Variants in SLC4A5 observed in about 807,000 individuals in gnomAD.
SLC4A5 encodes electrogenic sodium bicarbonate cotransporter 4.
SLC4A5 carries 96 observed loss-of-function variants against 120.4 expected under a neutral mutation model. That is an observed-to-expected ratio of 0.80 (90% confidence interval 0.68 to 0.94). The LOEUF is 0.94. Ranked by LOEUF, SLC4A5 falls within the 40% of genes least tolerant of loss-of-function variation. The pLI, the probability that SLC4A5 is intolerant of heterozygous loss-of-function variation, is 0.00. For synonymous variants in SLC4A5, 550 were observed against 571.1 expected (o/e 0.96, Z 0.53); for missense variants, 1,259 against 1,459.5 (o/e 0.86, Z 2.24).
At chr2:74,316,461 ATAGG>A (rs1672968969) in intron 5 of SLC4A5, among the ~76,000 whole-genome samples, 1 of 152,104 alleles carries the variant, frequency 6.6e-6, no homozygotes, top group African/African-American at 2.4e-5. Flanking sequence ...CCAAGACAGG[ATAGG>A]AGGTCAGACA....
At chr2:74,233,614 G>C (rs1177591431) in intron 22 of SLC4A5, 51 bp from the exon 23 acceptor site, 1 of 1,535,490 alleles carries the variant, frequency 6.5e-7, no homozygotes, top group Non-Finnish European at 8.8e-7. Context: ...CTTGTCCCAG[G>C]GCACTTGTCG....
chr2:74,298,019 CTGTTT>C (rs1228183021), intron 7 of SLC4A5, among the ~76,000 whole-genome samples: 1 of 152,154 alleles, frequency 6.6e-6, no homozygotes, highest in African/African-American at 2.4e-5. Flanking sequence ...GTCAATAGAT[CTGTTT>C]TTATTTCCCA....
chr2:74,319,628 C>G (rs1388257884), intron 5 of SLC4A5: 1 of 152,162 alleles, frequency 6.6e-6, no homozygotes, highest in Non-Finnish European at 1.5e-5. Context: ...AACTTCCCCT[C>G]CCTATATGAT....
At chr2:74,254,171 C>T (rs1670883427) in intron 14 of SLC4A5, among the ~76,000 whole-genome samples, 1 of 152,168 alleles carries the variant, frequency 6.6e-6, no homozygotes, top group African/African-American at 2.4e-5. Flanking sequence ...CTTACAGGCT[C>T]TGTGTAGTCT....
intron 25 of SLC4A5, among the ~76,000 whole-genome samples, chr2:74,229,583 T>G (rs930616741): frequency 6.6e-6 from 1 of 152,112 alleles, no homozygotes; most frequent in Non-Finnish European, 1.5e-5. Context: ...TGCAAATACT[T>G]GTATGTTAAA....
rs1243251200 is a variant in SLC4A5 at position 74,290,617 on chromosome 2, A to AG, written c.272-4716dup. 1.4e-4 allele frequency: 133 copies of AG among 957,728 alleles called. No individual in the cohort carries two copies. The African/African-American group carries it at 2.8e-3, about 20-fold the overall frequency. The allele number at this position is 957,728 out of a possible 1,614,324, so 59.3% of individuals were successfully genotyped here. A position where few individuals can be genotyped will look rare whatever the true frequency, so the allele number is the denominator to read the frequency against. On this transcript the variant is annotated intron_variant, in intron 7 of 30. Transcript: ENST00000394019. ...GAGAGAGAGACAGAGAGAGAGACAG[A>AG]GAAGTGAGAGAGAGAGAGAGAGAGA...
At chr2:74,322,666 A>G (rs568986478) in intron 5 of SLC4A5, among the ~76,000 whole-genome samples, 1 of 152,318 alleles carries the variant, frequency 6.6e-6, no homozygotes, top group African/African-American at 2.4e-5. Context: ...GTATTTTATT[A>G]TTAAATTTTT....
chr2:74,226,932 A>AG, intron 27 of SLC4A5, 25 bp downstream of exon 27: 1 of 1,604,150 alleles, frequency 6.2e-7, no homozygotes. Flanking sequence ...GCCAGGCAGG[A>AG]GGGGGAAGCC....
chr2:74,325,000 CTG>C (rs2104325249), intron 5 of SLC4A5, among the ~76,000 whole-genome samples: 1 of 152,294 alleles, frequency 6.6e-6, no homozygotes, highest in Non-Finnish European at 1.5e-5. Context: ...CCAGATAACA[CTG>C]TGACTCCCTG....
At chr2:74,270,181 A>G (rs1011842775) in intron 8 of SLC4A5, among the ~76,000 whole-genome samples, 8 of 152,292 alleles carry the variant, frequency 5.3e-5, no homozygotes, top group African/African-American at 1.9e-4. Flanking sequence ...AGTCCCCTCT[A>G]TAACTATTTT....
chr2:74,300,348 G>A (rs1010571114), intron 7 of SLC4A5, among the ~76,000 whole-genome samples: 24 of 152,214 alleles, frequency 1.6e-4, no homozygotes, highest in Admixed American at 8.5e-4. Flanking sequence ...CCATACACTC[G>A]CACAAAGGTA....
intron 8 of SLC4A5, among the ~76,000 whole-genome samples, chr2:74,274,432 G>A (rs1428511156): frequency 6.6e-6 from 1 of 152,142 alleles, no homozygotes; most frequent in Non-Finnish European, 1.5e-5. Flanking sequence ...TTTCTACAAC[G>A]GATTATGACT....
intron 2 of SLC4A5, among the ~76,000 whole-genome samples, chr2:74,339,908 A>C (rs964534914): frequency 6.6e-6 from 1 of 152,264 alleles, no homozygotes; most frequent in Non-Finnish European, 1.5e-5. Context: ...GAACTTAAGG[A>C]CATCACGCTA....
intron 3 of SLC4A5, among the ~76,000 whole-genome samples, chr2:74,336,813 C>A (rs953902421): frequency 2.0e-5 from 3 of 152,166 alleles, no homozygotes; most frequent in African/African-American, 7.2e-5. Flanking sequence ...GAAATATTAG[C>A]CAATGCCTTC....
intron 19 of SLC4A5, among the ~76,000 whole-genome samples, chr2:74,245,572 GAACA>G: frequency 6.6e-6 from 1 of 152,244 alleles, no homozygotes; most frequent in Admixed American, 6.5e-5. Flanking sequence ...CCTTGGCTCA[GAACA>G]AAGGGTAGCA....
intron 7 of SLC4A5, among the ~76,000 whole-genome samples, chr2:74,296,383 C>T (rs935026671): frequency 1.3e-5 from 2 of 151,876 alleles, no homozygotes; most frequent in Non-Finnish European, 2.9e-5. Context: ...TCACTTCTCC[C>T]CTCTTCACCA....
At chr2:74,341,953 T>C (rs920818868) in intron 2 of SLC4A5, among the ~76,000 whole-genome samples, 1 of 152,174 alleles carries the variant, frequency 6.6e-6, no homozygotes, top group African/African-American at 2.4e-5. Context: ...CCAAGCTGAA[T>C]CCATTTCTGA....
At chr2:74,249,851 GA>G in intron 17 of SLC4A5, among the ~76,000 whole-genome samples, 2 of 152,214 alleles carry the variant, frequency 1.3e-5, no homozygotes, top group East Asian at 3.8e-4. Context: ...GCCTCCATTG[GA>G]GAAGACCCTT....
chr2:74,270,402 G>A (rs190727607), intron 8 of SLC4A5, among the ~76,000 whole-genome samples: 8 of 152,160 alleles, frequency 5.3e-5, no homozygotes, highest in Non-Finnish European at 1.2e-4. Context: ...GGCTGGGCGC[G>A]GTGGCTCATG....
Sources: allele counts gnomAD v4.1 joint callset (sites outside exome capture counted in the v4.1 genomes callset), GRCh38; gene constraint gnomAD v4.1.1; transcripts MANE v1.5; gene names NCBI Gene and HGNC (gene_info 2026-07-23, HGNC 2026-07-21).